Variants in MESP1 observed in about 807,000 individuals in gnomAD.
MESP1 encodes the protein mesoderm posterior bHLH transcription factor 1.
In MESP1, 22 loss-of-function variants were observed where a neutral mutation model predicts 15.2. The observed-to-expected ratio is 1.45, with a 90% confidence interval of 1.04 to 2.07. The LOEUF (loss-of-function observed/expected upper bound fraction) is 2.07. Among genes scored for constraint, MESP1 ranks in the 30% most tolerant of loss-of-function variants. The probability of loss-of-function intolerance (pLI) is 0.00; values close to 1 mark genes in which losing one functional copy is unlikely to be tolerated. For synonymous variants in MESP1, 216 were observed against 192.6 expected, an observed-to-expected ratio of 1.12 and a Z score of -1.01; for missense variants, 484 against 411.9, an observed-to-expected ratio of 1.17 and a Z score of -1.51.
chr15:89,744,739 A>G, the MESP1 span, among the ~76,000 whole-genome samples: 3,221 of 152,324 alleles, frequency 0.021, 122 homozygotes, highest in African/African-American at 0.074. Flanking sequence ...TAACTTAGCC[A>G]TCCAGGAGTC....
the MESP1 span, among the ~76,000 whole-genome samples, chr15:89,734,397 T>C: frequency 2.0e-5 from 3 of 152,142 alleles, no homozygotes; most frequent in Non-Finnish European, 4.4e-5. Context: ...GCACCTCGGT[T>C]TTCCTCATGG....
Position 89,750,133 on chromosome 15 carries a change from GT to G in MESP1, c.*10del. On this transcript the variant is annotated 3_prime_UTR_variant, in exon 2 of 2. Coordinates refer to ENST00000300057, the MANE Select transcript of MESP1 (RefSeq NM_018670.4). ...CTCGGTGCTCACAGAGACGGCGTCA[GT>G]TGTCCCTTGTCACTTGGGCTCCTCA... 6.2e-7 allele frequency: 1 copy of G among 1,613,546 alleles called. No individual in the cohort carries two copies. The highest frequency in any genetic ancestry group is 8.5e-7 in the Non-Finnish European group (1 of 1,179,616).
downstream of MESP1, among the ~76,000 whole-genome samples, chr15:89,747,681 C>T (rs1443912886): frequency 2.0e-5 from 3 of 152,220 alleles, no homozygotes; most frequent in East Asian, 5.8e-4. Context: ...CTGGTGATTA[C>T]GCACACAGGT....
chr15:89,745,552 A>G (rs888736832), downstream of MESP1, among the ~76,000 whole-genome samples: 1 of 152,132 alleles, frequency 6.6e-6, no homozygotes, highest in African/African-American at 2.4e-5. This position sits in a 1 kb window ranked among gnomAD's most constrained non-coding sequence, Gnocchi z 4.8. Context: ...TCATGAGGTC[A>G]GGAGATCGAG....
chr15:89,733,339 C>G, the MESP1 span: 1 of 914,098 alleles, frequency 1.1e-6, no homozygotes, highest in Non-Finnish European at 1.6e-6. Context: ...TCATCACTCT[C>G]CTGGTGAGCT....
the MESP1 span, chr15:89,732,922 C>T: frequency 7.7e-7 from 1 of 1,299,938 alleles, no homozygotes; most frequent in Admixed American, 1.7e-5. Context: ...AAGTCCCTCA[C>T]ACACTTGCTG....
chr15:89,741,963 G>C, the MESP1 span, among the ~76,000 whole-genome samples: 4 of 152,178 alleles, frequency 2.6e-5, no homozygotes, highest in African/African-American at 9.6e-5. Context: ...ATGTTGGCCA[G>C]GATGGTATCG....
downstream of MESP1, among the ~76,000 whole-genome samples, chr15:89,745,028 A>C (rs536898043): frequency 6.6e-6 from 1 of 152,242 alleles, no homozygotes; most frequent in African/African-American, 2.4e-5. This position sits in a 1 kb window ranked among gnomAD's most constrained non-coding sequence, Gnocchi z 4.8. Context: ...CCCACCCCCA[A>C]ACCAAGGACT....
downstream of MESP1, among the ~76,000 whole-genome samples, chr15:89,747,402 C>A (rs1030109823): frequency 1.4e-4 from 21 of 152,246 alleles, no homozygotes; most frequent in Non-Finnish European, 2.8e-4. Context: ...CCTGCGCTGG[C>A]CTTCTCACTA....
downstream of MESP1, among the ~76,000 whole-genome samples, chr15:89,747,652 C>T (rs1967997401): frequency 6.6e-6 from 1 of 152,166 alleles, no homozygotes; most frequent in Non-Finnish European, 1.5e-5. Flanking sequence ...GGTGTTCAGC[C>T]GAAGCGAAGG....
At chr15:89,733,085 C>T in the MESP1 span, 13 of 1,614,216 alleles carry the variant, frequency 8.1e-6, no homozygotes, top group Non-Finnish European at 1.0e-5. Flanking sequence ...TCTCGGTCCA[C>T]AAAGGACAGA....
chr15:89,737,692 T>C, the MESP1 span: 6 of 1,614,088 alleles, frequency 3.7e-6, no homozygotes, highest in Non-Finnish European at 2.5e-6. Context: ...AGCCAGTGTT[T>C]GCTGTGTCTC....
the MESP1 span, among the ~76,000 whole-genome samples, chr15:89,740,388 A>G: frequency 6.6e-6 from 1 of 152,172 alleles, no homozygotes; most frequent in African/African-American, 2.4e-5. Flanking sequence ...ATATGGTCTC[A>G]TGAGTCTCTG....
At position 89,751,148 on chromosome 15, in the gene MESP1, G is replaced by C. The variant is rs1189697688; in HGVS notation, c.84C>G (p.Ser28=). The C allele has an allele frequency of 3.9e-6, 5 of 1,268,092 alleles. No individual in the cohort carries two copies. The highest frequency in any genetic ancestry group is 3.4e-5 in the South Asian group (1 of 29,366). The allele number at this position is 1,268,092 out of a possible 1,614,324, so 78.6% of individuals were successfully genotyped here. ...CGAGGGAGCGGCCGCAGTCCTTGTC[G>C]GAGGGCGGCGGCCGCCGAGTTGGGC... The part of the protein sequence containing the change: ...AWGPTRRPPP[S]DKDCGRSLVS... Residue 28 remains serine (S), a synonymous_variant, in exon 1 of 2, where the codon TCC becomes TCG. Coordinates refer to ENST00000300057, the MANE Select transcript of MESP1 (RefSeq NM_018670.4).
chr15:89,740,894 C>G, the MESP1 span, among the ~76,000 whole-genome samples: 1 of 151,698 alleles, frequency 6.6e-6, no homozygotes, highest in Non-Finnish European at 1.5e-5. Context: ...AATCCCAGCA[C>G]TTTGGGAGGC....
chr15:89,750,612 C>A lies in MESP1; in HGVS notation c.620G>T (p.Cys207Phe). The change falls in exon 1 of 2, where the codon TGC becomes TTC. Residue 207 changes from cysteine (C) to phenylalanine (F), a missense_variant. Coordinates refer to ENST00000300057, the MANE Select transcript of MESP1 (RefSeq NM_018670.4). ...CTCGGGTGCAGCTCGGGCTCCGGGG[C>A]AGGCAGGCGGGGATCCCCAGGACGC... Reference protein sequence around the residue: ...AGASWGSPPACPGARAAPEPR... With the variant: ...AGASWGSPPAFPGARAAPEPR... The A allele has an allele frequency of 7.2e-7, 1 of 1,394,070 alleles. No individual in the cohort carries two copies. Among genetic ancestry groups the A allele is most frequent in the South Asian group, 1.6e-5 (1 of 61,452 alleles). 86.4% of individuals were successfully genotyped at this position (1,394,070 alleles called of 1,614,324 possible).
chr15:89,750,132 A>T lies in MESP1; in HGVS notation c.*12T>A. 6.2e-7 allele frequency: 1 copy of T among 1,613,398 alleles called. No homozygotes were observed. Among genetic ancestry groups the T allele is most frequent in the Non-Finnish European group, 8.5e-7 (1 of 1,179,516 alleles). ...CCTCGGTGCTCACAGAGACGGCGTC[A>T]GTTGTCCCTTGTCACTTGGGCTCCT... On this transcript the variant is annotated 3_prime_UTR_variant, in exon 2 of 2. Transcript: ENST00000300057.
downstream of MESP1, chr15:89,749,769 G>A (rs938578133): frequency 9.2e-6 from 2 of 216,588 alleles, no homozygotes; most frequent in Middle Eastern, 1.9e-3. Context: ...GCCTGTGGGG[G>A]TCGGGGGGCT....
At chr15:89,740,013 C>T in the MESP1 span, among the ~76,000 whole-genome samples, 5 of 152,190 alleles carry the variant, frequency 3.3e-5, no homozygotes, top group Non-Finnish European at 2.9e-5. Flanking sequence ...TACTCAGCCT[C>T]CTCATTCAGT....
Sources: allele counts gnomAD v4.1 joint callset (sites outside exome capture counted in the v4.1 genomes callset), GRCh38; gene constraint gnomAD v4.1.1; non-coding constraint Gnocchi (gnomAD v3.1); transcripts MANE v1.5; gene names NCBI Gene and HGNC (gene_info 2026-07-23, HGNC 2026-07-21).